The following GREB1L variants were observed in gnomAD, a reference collection of about 807,000 sequenced individuals.
GREB1L encodes GREB1-like protein.
Under a neutral mutation model 200.8 loss-of-function variants are expected in GREB1L, and 17 were observed. That is an observed-to-expected ratio of 0.08 (90% CI 0.06 to 0.13). The LOEUF is 0.13. Among genes scored for constraint, GREB1L ranks in the 10% least tolerant of loss-of-function variants. The pLI is 1.00. For missense variants in GREB1L, 1,657 were observed against 2,367.7 expected (o/e 0.70, Z 6.23); for synonymous variants, 789 against 893.0 (o/e 0.88, Z 2.08).
chr18:21,523,064 T>C lies in GREB1L; in HGVS notation c.*243T>C. 1 of 387,150 alleles carries C rather than the reference T, an allele frequency of 2.6e-6. No homozygotes were observed. Among genetic ancestry groups the C allele is most frequent in the Non-Finnish European group, 4.6e-6 (1 of 216,950 alleles). 24.0% of individuals were successfully genotyped at this position (387,150 alleles called of 1,614,324 possible). On this transcript the variant is annotated 3_prime_UTR_variant, in exon 33 of 33. Coordinates refer to ENST00000424526, the MANE Select transcript of GREB1L (RefSeq NM_001142966.3). ...TATCCTAGGCAGTTATGCAATTACT[T>C]AAGATACGGTCTGCCCATGGGATCC...
At chr18:21,457,312 C>G (rs1568027316) in intron 15 of GREB1L, among the ~76,000 whole-genome samples, 1 of 152,086 alleles carries the variant, frequency 6.6e-6, no homozygotes, top group Non-Finnish European at 1.5e-5. Context: ...GTTTGGCACA[C>G]TCAAAGCAAA....
intron 1 of GREB1L, among the ~76,000 whole-genome samples, chr18:21,309,423 T>C (rs928359428): frequency 1.3e-5 from 2 of 152,152 alleles, no homozygotes; most frequent in African/African-American, 4.8e-5. Context: ...TTAGCATCAT[T>C]ATGTGAGAGT....
At chr18:21,401,425 A>G in intron 6 of GREB1L, 99 bp downstream of exon 6, 1 of 1,021,300 alleles carries the variant, frequency 9.8e-7, no homozygotes, top group Non-Finnish European at 1.4e-6. Flanking sequence ...ATACAGATAA[A>G]TATCCTAAGT....
chr18:21,403,521 G>T (rs553322398), intron 6 of GREB1L, among the ~76,000 whole-genome samples: 1 of 152,232 alleles, frequency 6.6e-6, no homozygotes, highest in South Asian at 2.1e-4. Context: ...ATGTTAACTG[G>T]TATTGAAAGG....
At chr18:21,454,087 A>G (rs2034646899) in intron 14 of GREB1L, among the ~76,000 whole-genome samples, 1 of 152,188 alleles carries the variant, frequency 6.6e-6, no homozygotes, top group Admixed American at 6.5e-5. Flanking sequence ...GGGTTGGGAT[A>G]GGGGTGTTGA....
intron 4 of GREB1L, 102 bp from the exon 5 acceptor site, chr18:21,395,282 TA>T: frequency 2.2e-6 from 2 of 921,048 alleles, no homozygotes; most frequent in Non-Finnish European, 1.7e-6. Flanking sequence ...ATTTAGTCTG[TA>T]ATAGTGATTC....
intron 8 of GREB1L, 52 bp from the exon 9 acceptor site, chr18:21,440,217 C>T: frequency 1.3e-6 from 2 of 1,538,442 alleles, no homozygotes; most frequent in South Asian, 1.2e-5. Flanking sequence ...CTTTCTTCCA[C>T]ATGGCTGAGA....
At chr18:21,323,270 G>T (rs1052922990) in intron 1 of GREB1L, among the ~76,000 whole-genome samples, 3 of 152,006 alleles carry the variant, frequency 2.0e-5, no homozygotes, top group African/African-American at 7.2e-5. Context: ...CTGGGTGACA[G>T]AGTGAGACCC....
chr18:21,473,303 C>G, intron 16 of GREB1L, 92 bp downstream of exon 16: 1 of 989,298 alleles, frequency 1.0e-6, no homozygotes, highest in Non-Finnish European at 1.4e-6. Flanking sequence ...GGCGCGGTGG[C>G]TCACACCTGT....
intron 1 of GREB1L, among the ~76,000 whole-genome samples, chr18:21,266,028 C>A (rs2037961921): frequency 6.6e-6 from 1 of 152,138 alleles, no homozygotes; most frequent in Admixed American, 6.5e-5. Context: ...TATCAGGAGG[C>A]CCTTGTTTTA....
intron 27 of GREB1L, chr18:21,508,830 CT>C: frequency 1.9e-6 from 1 of 537,088 alleles, no homozygotes; most frequent in Non-Finnish European, 3.3e-6. Flanking sequence ...GAAGAAGTCA[CT>C]GGTGTACTGA....
intron 19 of GREB1L, 81 bp downstream of exon 19, chr18:21,490,432 C>T (rs1182867856): frequency 2.5e-6 from 3 of 1,192,126 alleles, no homozygotes; most frequent in Non-Finnish European, 3.5e-6. Context: ...GGCTCAGGGG[C>T]CTGAGTTTAA....
chr18:21,411,186 C>A (rs1302643570), intron 7 of GREB1L, among the ~76,000 whole-genome samples: 1 of 150,606 alleles, frequency 6.6e-6, no homozygotes. Context: ...TTAAGAATGA[C>A]AAATAGTTGA....
intron 27 of GREB1L, among the ~76,000 whole-genome samples, chr18:21,511,952 G>T (rs1180076274): frequency 6.6e-6 from 1 of 152,144 alleles, no homozygotes; most frequent in African/African-American, 2.4e-5. Flanking sequence ...GCCCCCAACT[G>T]TGTTTGTTGA....
intron 13 of GREB1L, 109 bp downstream of exon 13, chr18:21,451,260 T>C: frequency 8.2e-7 from 1 of 1,215,906 alleles, no homozygotes; most frequent in Non-Finnish European, 1.1e-6. Flanking sequence ...TGCCAGCTGA[T>C]CTTTCATTTG....
intron 17 of GREB1L, among the ~76,000 whole-genome samples, chr18:21,483,573 G>GT (rs1223629465): frequency 1.3e-5 from 2 of 152,068 alleles, no homozygotes; most frequent in East Asian, 1.9e-4. Flanking sequence ...TAAAAGCAGG[G>GT]TTTTGGGGGG....
intron 7 of GREB1L, among the ~76,000 whole-genome samples, chr18:21,439,239 G>T (rs1448525911): frequency 6.6e-6 from 1 of 152,096 alleles, no homozygotes; most frequent in Non-Finnish European, 1.5e-5. Context: ...GTGTATATAA[G>T]AATTTTTTTC....
At chr18:21,389,796 A>G (rs945398352) in intron 4 of GREB1L, among the ~76,000 whole-genome samples, 16 of 152,286 alleles carry the variant, frequency 1.1e-4, no homozygotes, top group African/African-American at 3.9e-4. Context: ...AATTTTAAGG[A>G]CTCATTAACA....
intron 1 of GREB1L, among the ~76,000 whole-genome samples, chr18:21,285,094 G>A (rs1020967487): frequency 7.9e-5 from 12 of 151,872 alleles, no homozygotes; most frequent in African/African-American, 1.9e-4. Context: ...TCAGATAAAC[G>A]GCTTAAAAAT....
Sources: allele counts gnomAD v4.1 joint callset (sites outside exome capture counted in the v4.1 genomes callset), GRCh38; gene constraint gnomAD v4.1.1; transcripts MANE v1.5; gene names NCBI Gene and HGNC (gene_info 2026-07-23, HGNC 2026-07-21).